Variants in TMPRSS13 observed in about 807,000 individuals in gnomAD.
The protein encoded by TMPRSS13 is transmembrane protease serine 13.
A neutral mutation model predicts 68.4 loss-of-function variants in TMPRSS13; 50 were observed. That is an observed-to-expected ratio of 0.73 (90% CI 0.58 to 0.93). The LOEUF (loss-of-function observed/expected upper bound fraction) is 0.93. TMPRSS13 is among the 40% of genes least tolerant of loss of function. The pLI is 0.00. For synonymous variants in TMPRSS13, 267 were observed against 285.8 expected, an observed-to-expected ratio of 0.93 and a Z score of 0.66; for missense variants, 615 against 729.2, an observed-to-expected ratio of 0.84 and a Z score of 1.80.
chr11:117,903,710 G>A lies in TMPRSS13; in HGVS notation c.1622C>T (p.Pro541Leu). 6.2e-7 allele frequency: 1 copy of A among 1,613,998 alleles called. No individual in the cohort carries two copies. Among genetic ancestry groups the A allele is most frequent in the Non-Finnish European group, 8.5e-7 (1 of 1,179,958 alleles). ...WGTGCGQRNKPGVYTKVTEVL... is the reference protein window; with the variant it reads ...WGTGCGQRNKLGVYTKVTEVL... Reference sequence around the variant, plus strand: ...TTCTGTCACTTTGGTGTACACACCAGGTTTGTTTCTCTGGCCACAGCCTGT... The same window carrying A: ...TTCTGTCACTTTGGTGTACACACCAAGTTTGTTTCTCTGGCCACAGCCTGT... Residue 541 changes from proline (P) to leucine (L), a missense_variant, in exon 12 of 13, where the codon CCT (proline) becomes CTT (leucine). Transcript: ENST00000524993.
intron 6 of TMPRSS13, among the ~76,000 whole-genome samples, chr11:117,911,478 G>A (rs2057522713): frequency 6.6e-6 from 1 of 152,144 alleles, no homozygotes; most frequent in Admixed American, 6.5e-5. Context: ...CAAACACCTG[G>A]CCGACTGGTG....
intron 3 of TMPRSS13, among the ~76,000 whole-genome samples, chr11:117,916,822 T>C (rs2134904594): frequency 6.6e-6 from 1 of 152,364 alleles, no homozygotes; most frequent in South Asian, 2.1e-4. Context: ...AATGAGAACT[T>C]ACGGGACACA....
chr11:117,920,637 C>T (rs144755424), intron 1 of TMPRSS13, among the ~76,000 whole-genome samples: 403 of 152,164 alleles, frequency 2.6e-3, no homozygotes, highest in African/African-American at 9.0e-3. Context: ...TATATGCACC[C>T]GCCACCACAC....
In TMPRSS13 at chr11:117,914,650, G is replaced by C; in HGVS notation, c.557-136C>G. ...ACTCTGGGGCTCTCATCCCCCATCT[G>C]TATGGAGAGAAAGGCTGCTCAGGAA... On this transcript the variant is annotated intron_variant, in intron 3 of 12. Coordinates refer to ENST00000524993, the MANE Select transcript of TMPRSS13 (RefSeq NM_001077263.3). The surrounding 1 kb of genome is among the most constrained non-coding windows in gnomAD (Gnocchi z 4.2). 6.8e-7 allele frequency: 1 copy of C among 1,466,462 alleles called. No individual in the cohort carries two copies. Among genetic ancestry groups the C allele is most frequent in the Non-Finnish European group, 9.2e-7 (1 of 1,092,656 alleles). 90.8% of individuals were successfully genotyped at this position (1,466,462 alleles called of 1,614,324 possible). A position where few individuals can be genotyped will look rare whatever the true frequency, so the allele number is the denominator to read the frequency against.
chr11:117,925,031 C>T (rs1164301737), intron 1 of TMPRSS13, among the ~76,000 whole-genome samples: 1 of 152,202 alleles, frequency 6.6e-6, no homozygotes, highest in Admixed American at 6.5e-5. Flanking sequence ...CAGTCACATC[C>T]TTCTCTGGGC....
chr11:117,928,201 CA>C (rs2057724975), intron 1 of TMPRSS13, among the ~76,000 whole-genome samples: 1 of 152,158 alleles, frequency 6.6e-6, no homozygotes, highest in Non-Finnish European at 1.5e-5. Context: ...CCTTACTGCT[CA>C]ACAGTAAGAG....
At chr11:117,924,177 C>CAAAGAAAAGAAAAGAAAAAAGAAAAGA (rs2057675798) in intron 1 of TMPRSS13, among the ~76,000 whole-genome samples, 4 of 105,244 alleles carry the variant, frequency 3.8e-5, no homozygotes, top group Admixed American at 1.1e-4. Flanking sequence ...GACCCCATCT[C>CAAAGAAAAGAAAAGAAAAAAGAAAAGA]AAAGAAAAGA....
chr11:117,907,707 C>T (rs1392944709), intron 9 of TMPRSS13: 9 of 751,206 alleles, frequency 1.2e-5, no homozygotes, highest in African/African-American at 1.9e-5. Flanking sequence ...CTCTGCTGAG[C>T]TTCCCCTAGC....
rs770760987 is a variant in TMPRSS13 at position 117,929,335 on chromosome 11, C to T, written c.-28G>A. 10 of 1,602,920 alleles carry T rather than the reference C, an allele frequency of 6.2e-6. No homozygotes were observed. The highest frequency in any genetic ancestry group is 2.3e-5 in the South Asian group (2 of 88,858). ...TCTCTGAGGGGAAGAGTCCTCCAGG[C>T]TTAGCTGATGTCGAGGAGAAGATCC... is the stretch of plus-strand genomic sequence containing the variant. On this transcript the variant is annotated 5_prime_UTR_variant, in exon 1 of 13. Transcript: ENST00000524993.
At position 117,908,705 on chromosome 11, in the gene TMPRSS13, T is replaced by A; in HGVS notation, c.1189A>T (p.Ile397Phe). ...TTGCTGTTGATGATGATCTCGGCAA[T>A]GGAGGCTGCCTCAGGCAACTGGTGC... ...NLHQLPEAAS[I>F]AEIIINSNYT... The change falls in exon 9 of 13, where the codon ATT (isoleucine) becomes TTT (phenylalanine). Residue 397 changes from isoleucine to phenylalanine, a missense_variant. Ile to Phe is a conservative substitution (Grantham distance 21). Coordinates refer to ENST00000524993, the MANE Select transcript of TMPRSS13 (RefSeq NM_001077263.3). 6.2e-7 allele frequency: 1 copy of A among 1,606,654 alleles called. No individual in the cohort carries two copies.
chr11:117,909,327 C>T (rs1252900748), intron 8 of TMPRSS13, among the ~76,000 whole-genome samples: 1 of 152,224 alleles, frequency 6.6e-6, no homozygotes, highest in Non-Finnish European at 1.5e-5. Context: ...AGGCCTGGTC[C>T]CAGAGCTCTT....
intron 8 of TMPRSS13, 29 bp from the exon 9 acceptor site, chr11:117,908,813 A>G (rs2057490998): frequency 1.9e-6 from 3 of 1,563,620 alleles, no homozygotes; most frequent in Middle Eastern, 1.7e-4. Context: ...AGCGTGGTCC[A>G]GTACCTGCCT....
intron 1 of TMPRSS13, among the ~76,000 whole-genome samples, chr11:117,921,562 G>A (rs1390350911): frequency 1.3e-5 from 2 of 152,228 alleles, no homozygotes; most frequent in African/African-American, 4.8e-5. Context: ...GGGAGCTGGG[G>A]AAAGCTGTAA....
In TMPRSS13 at chr11:117,905,563, T is replaced by C. The variant is rs928970127; in HGVS notation, c.1381+75A>G. The C allele has an allele frequency of 1.4e-5, 18 of 1,283,032 alleles. No individual in the cohort carries two copies. The South Asian group carries it at 1.7e-4, about 12-fold the overall frequency. The allele number at this position is 1,283,032 out of a possible 1,614,324, so 79.5% of individuals were successfully genotyped here. ...GCCTTCATCTGTATACCCAGACACATTGCTTACACACGCACATGTATACAC... is the reference window on the plus strand; with the variant it reads ...GCCTTCATCTGTATACCCAGACACACTGCTTACACACGCACATGTATACAC... On this transcript the variant is annotated intron_variant, in intron 10 of 12. Transcript: ENST00000524993.
intron 2 of TMPRSS13, 136 bp from the exon 3 acceptor site, chr11:117,917,410 T>A: frequency 1.6e-6 from 1 of 638,262 alleles, no homozygotes. Context: ...AATGAGATTT[T>A]ATGGGGCTCA....
At position 117,922,683 on chromosome 11, in the gene TMPRSS13, T is replaced by G. The variant is rs1489129748; in HGVS notation, c.22-3845A>C. 1.3e-5 allele frequency among the ~76,000 whole-genome samples: 2 copies of G among 152,216 alleles called. No homozygotes were observed. The highest frequency in any genetic ancestry group is 4.8e-5 in the African/African-American group (2 of 41,452). ...TGTCCTGGTGTCTCCACAACCTGCC[T>G]GCAGACCAAAGGCTTCTCAGCCTGC... On this transcript the variant is annotated intron_variant, in intron 1 of 12. Transcript: ENST00000524993. The surrounding 1 kb of genome is among the most constrained non-coding windows in gnomAD (Gnocchi z 4.2).
At chr11:117,917,791 G>A (rs2057593676) in intron 2 of TMPRSS13, among the ~76,000 whole-genome samples, 1 of 152,188 alleles carries the variant, frequency 6.6e-6, no homozygotes, top group Non-Finnish European at 1.5e-5. Context: ...CCAGGCCTGT[G>A]TGTATTGTGG....
At chr11:117,904,222 G>T in intron 10 of TMPRSS13, 121 bp from the exon 11 acceptor site, 2 of 1,359,156 alleles carry the variant, frequency 1.5e-6, no homozygotes, top group South Asian at 1.5e-5. Flanking sequence ...AATGGAGGGT[G>T]CCATGCCCGT....
At chr11:117,903,534 C>A in intron 12 of TMPRSS13, 121 bp downstream of exon 12, 2 of 1,563,930 alleles carry the variant, frequency 1.3e-6, no homozygotes, top group Non-Finnish European at 1.7e-6. Flanking sequence ...CTGTCCAGAA[C>A]ACCCCCCGAA....
Sources: allele counts gnomAD v4.1 joint callset (sites outside exome capture counted in the v4.1 genomes callset), GRCh38; gene constraint gnomAD v4.1.1; non-coding constraint Gnocchi (gnomAD v3.1); transcripts MANE v1.5; gene names NCBI Gene and HGNC (gene_info 2026-07-23, HGNC 2026-07-21).